The following BIVM variants were observed in gnomAD, a reference collection of about 807,000 sequenced individuals.
BIVM encodes basic, immunoglobulin-like variable motif containing, also known as basic immunoglobulin-like variable motif-containing protein.
In BIVM, 31 loss-of-function variants were observed where a neutral mutation model predicts 61.4. That is an observed-to-expected ratio of 0.51 (90% CI 0.38 to 0.68). BIVM has a LOEUF of 0.68. Among genes scored for constraint, BIVM ranks in the 30% least tolerant of loss-of-function variants. The pLI, the probability that BIVM is intolerant of heterozygous loss-of-function variation, is 0.00. For synonymous variants in BIVM, 189 were observed against 210.7 expected, an observed-to-expected ratio of 0.90 and a Z score of 0.89; for missense variants, 526 against 596.0, an observed-to-expected ratio of 0.88 and a Z score of 1.22.
At chr13:102,834,687 C>A in intron 9 of BIVM, 135 bp downstream of exon 9, 1 of 720,778 alleles carries the variant, frequency 1.4e-6, no homozygotes, top group Non-Finnish European at 2.0e-6. Context: ...GGATATGGTA[C>A]ACATTCATTG....
In BIVM at chr13:102,831,619, A is replaced by C; in HGVS notation, c.956A>C (p.Tyr319Ser). 1 of 1,614,214 alleles carries C rather than the reference A, an allele frequency of 6.2e-7. No homozygotes were observed. Among genetic ancestry groups the C allele is most frequent in the Non-Finnish European group, 8.5e-7 (1 of 1,180,044 alleles). Reference sequence around the variant, plus strand: ...GGATTGAAAGATGAATCGCTGGCTTATATCTATCATTGCCAAAATCATTAT... The same window carrying C: ...GGATTGAAAGATGAATCGCTGGCTTCTATCTATCATTGCCAAAATCATTAT... ...TRGLKDESLAYIYHCQNHYFC... is the reference protein window; with the variant it reads ...TRGLKDESLASIYHCQNHYFC... The change falls in exon 8 of 11, where the codon TAT becomes TCT. Residue 319 changes from tyrosine to serine, a missense_variant. By Grantham distance (144) the Tyr-to-Ser change is moderately radical (BLOSUM62 -2). Coordinates refer to ENST00000257336, the MANE Select transcript of BIVM (RefSeq NM_017693.4).
At chr13:102,808,861 T>C (rs1463730062) in intron 3 of BIVM, among the ~76,000 whole-genome samples, 1 of 152,188 alleles carries the variant, frequency 6.6e-6, no homozygotes, top group Non-Finnish European at 1.5e-5. Context: ...CCCTCTAACA[T>C]CTAAGGAATC....
intron 6 of BIVM, 61 bp downstream of exon 6, chr13:102,821,908 A>G (rs1880321011): frequency 6.4e-7 from 1 of 1,572,018 alleles, no homozygotes; most frequent in Non-Finnish European, 8.7e-7. Flanking sequence ...ATAATGATGT[A>G]GATGTGTGTT....
At chr13:102,818,262 G>A (rs1350174724) in intron 4 of BIVM, among the ~76,000 whole-genome samples, 3 of 152,164 alleles carry the variant, frequency 2.0e-5, no homozygotes, top group Admixed American at 2.0e-4. Flanking sequence ...CTAATAAGTA[G>A]AAGATCTTGT....
At chr13:102,825,213 G>A (rs1459774342) in intron 7 of BIVM, among the ~76,000 whole-genome samples, 2 of 152,066 alleles carry the variant, frequency 1.3e-5, no homozygotes, top group East Asian at 3.9e-4. Context: ...CCAAAGTGCT[G>A]GGATTACAGG....
intron 8 of BIVM, 64 bp from the exon 9 acceptor site, chr13:102,834,402 T>C: frequency 1.4e-6 from 2 of 1,444,600 alleles, no homozygotes; most frequent in Non-Finnish European, 1.9e-6. Flanking sequence ...TATTAATATA[T>C]ATTTGAAGCA....
At chr13:102,831,507 T>A (rs1881065227) in intron 7 of BIVM, 58 bp from the exon 8 acceptor site, 1 of 1,605,794 alleles carries the variant, frequency 6.2e-7, no homozygotes. Context: ...GTCCTTTGTG[T>A]AAAGCATGGA....
At chr13:102,801,062 AT>A (rs1471447151) in intron 1 of BIVM, among the ~76,000 whole-genome samples, 2 of 152,208 alleles carry the variant, frequency 1.3e-5, no homozygotes, top group East Asian at 3.8e-4. Context: ...ATGGACGTTT[AT>A]TTTACAGAAC....
At chr13:102,818,731 A>T (rs1335794289) in intron 4 of BIVM, among the ~76,000 whole-genome samples, 1 of 152,190 alleles carries the variant, frequency 6.6e-6, no homozygotes, top group Non-Finnish European at 1.5e-5. Context: ...AAAGTCCCGT[A>T]GAAGATAGTA....
At chr13:102,821,927 A>G in intron 6 of BIVM, 80 bp downstream of exon 6, 2 of 1,548,146 alleles carry the variant, frequency 1.3e-6, no homozygotes, top group Non-Finnish European at 1.8e-6. Flanking sequence ...TTGATAGTAA[A>G]CCATGTATCC....
At chr13:102,832,364 T>G (rs1043100362) in intron 8 of BIVM, among the ~76,000 whole-genome samples, 7 of 152,058 alleles carry the variant, frequency 4.6e-5, no homozygotes, top group African/African-American at 1.7e-4. Context: ...CTCATAAAAT[T>G]TTTTAATTTG....
chr13:102,799,556 G>C (rs967560480), intron 1 of BIVM, 35 bp downstream of exon 1: 2 of 152,312 alleles, frequency 1.3e-5, no homozygotes, highest in Non-Finnish European at 2.9e-5. Flanking sequence ...CCGAGGTGGC[G>C]GCCGGCTGTG....
intron 9 of BIVM, 138 bp from the exon 10 acceptor site, chr13:102,838,505 G>C: frequency 1.5e-6 from 1 of 668,842 alleles, no homozygotes; most frequent in Non-Finnish European, 2.3e-6. Flanking sequence ...TTTAGTAGAT[G>C]AAACAATGTT....
rs116736939 is a variant in BIVM, at chr13:102,827,788, C to T, written c.902-3777C>T. The stretch of plus-strand genomic sequence containing the variant: ...CCTTACATGCTAGATATGATGCCCA[C>T]GACATTACACGTTACCCTATGAATT... On this transcript the variant is annotated intron_variant, in intron 7 of 10. Transcript: ENST00000257336. Among the ~76,000 whole-genome samples the T allele has an allele frequency of 2.8e-3, 431 of 152,260 alleles. 7 individuals are homozygous for T. Among genetic ancestry groups the T allele is most frequent in the African/African-American group, 9.7e-3 (405 of 41,546 alleles).
chr13:102,832,391 G>A (rs1881153461), intron 8 of BIVM, among the ~76,000 whole-genome samples: 1 of 151,998 alleles, frequency 6.6e-6, no homozygotes, highest in South Asian at 2.1e-4. Context: ...CTATAGAGAC[G>A]GGGTCTTGCT....
At chr13:102,814,225 G>T (rs1595340860) in intron 3 of BIVM, among the ~76,000 whole-genome samples, 1 of 152,182 alleles carries the variant, frequency 6.6e-6, no homozygotes, top group East Asian at 1.9e-4. Flanking sequence ...TGTGATGGAA[G>T]GCAGAAGGTG....
chr13:102,837,160 T>C (rs115747175), intron 9 of BIVM, among the ~76,000 whole-genome samples: 3,903 of 152,112 alleles, frequency 0.026, 152 homozygotes, highest in African/African-American at 0.086. Context: ...TGCGTGTAGT[T>C]TCAGCTACTC....
chr13:102,835,585 G>C (rs1254881319), intron 9 of BIVM, among the ~76,000 whole-genome samples: 2 of 152,146 alleles, frequency 1.3e-5, no homozygotes, highest in African/African-American at 4.8e-5. Context: ...TTAGGTGGGA[G>C]TGCAGTGGTG....
intron 8 of BIVM, 27 bp from the exon 9 acceptor site, chr13:102,834,439 C>A (rs368146903): frequency 5.1e-6 from 8 of 1,579,194 alleles, no homozygotes; most frequent in Admixed American, 1.9e-5. Context: ...AACTATTAAA[C>A]GTACTGTGAA....
Sources: gnomAD v4.1 joint callset for allele counts (sites outside exome capture counted in the v4.1 genomes callset) on GRCh38, gnomAD v4.1.1 for gene constraint, MANE v1.5 for transcripts, NCBI Gene and HGNC (gene_info 2026-07-23, HGNC 2026-07-21) for gene names.